NTN1: variants seen among roughly 807,000 people sequenced by gnomAD.
NTN1 encodes the protein netrin-1.
In NTN1, 11 loss-of-function variants were observed where a neutral mutation model predicts 54.2. That is an observed-to-expected ratio of 0.20 (90% confidence interval 0.13 to 0.34). NTN1 has a LOEUF of 0.34. NTN1 is among the 10% of genes least tolerant of loss of function. The probability of loss-of-function intolerance (pLI) is 1.00; values close to 1 mark genes in which losing one functional copy is unlikely to be tolerated. For missense variants in NTN1, 740 were observed against 893.1 expected (o/e 0.83, Z 2.18); for synonymous variants, 371 against 382.0 (o/e 0.97, Z 0.33).
intron 2 of NTN1, among the ~76,000 whole-genome samples, chr17:9,080,931 A>G (rs969952756): frequency 2.8e-4 from 43 of 152,136 alleles, no homozygotes; most frequent in African/African-American, 9.4e-4. Flanking sequence ...CTTCACCTGT[A>G]TTCTCTGTAA....
chr17:9,080,889 C>T (rs1464952116), intron 2 of NTN1, among the ~76,000 whole-genome samples: 1 of 152,216 alleles, frequency 6.6e-6, no homozygotes, highest in Admixed American at 6.5e-5. Context: ...GGAAGCTCCT[C>T]GCCCTTCCCA....
chr17:9,005,636 G>A, the NTN1 span, among the ~76,000 whole-genome samples: 1 of 152,160 alleles, frequency 6.6e-6, no homozygotes, highest in Non-Finnish European at 1.5e-5. Flanking sequence ...CAGGACCATG[G>A]GCTTTGCTTG....
intron 2 of NTN1, among the ~76,000 whole-genome samples, chr17:9,099,315 G>C (rs1039778323): frequency 7.2e-5 from 11 of 152,212 alleles, no homozygotes; most frequent in African/African-American, 2.4e-4. Flanking sequence ...TGAGGCAGGA[G>C]AATCACTTGA....
chr17:9,174,081 G>A (rs1284318401), intron 3 of NTN1: 1 of 152,366 alleles, frequency 6.6e-6, no homozygotes, highest in Non-Finnish European at 1.5e-5. Context: ...TCCTGCTCAA[G>A]GCCTCTGCCA....
At chr17:9,152,342 A>G (rs1478272719) in intron 2 of NTN1, among the ~76,000 whole-genome samples, 1 of 152,066 alleles carries the variant, frequency 6.6e-6, no homozygotes, top group African/African-American at 2.4e-5. Flanking sequence ...CTCCCCCAAA[A>G]TAGTTTCCTC....
At position 9,202,590 on chromosome 17, in the gene NTN1, T is replaced by C. The variant is rs187723350; in HGVS notation, c.1412-18578T>C. On this transcript the variant is annotated intron_variant, in intron 5 of 6. Coordinates refer to ENST00000173229, the MANE Select transcript of NTN1 (RefSeq NM_004822.3). ...CTTCAGTATCTACCATGGTGTGACA[T>C]TGTTGTGGGTTGAGTGGTTCCCCAT... Among the ~76,000 whole-genome samples the C allele has an allele frequency of 1.7e-3, 264 of 151,252 alleles. 1 individual carries two copies. The highest frequency in any genetic ancestry group is 6.2e-3 in the African/African-American group (252 of 40,562).
Position 9,233,807 on chromosome 17 carries a change from C to T in NTN1, c.1487-5833C>T, listed in dbSNP as rs192962423. ...GTGCCTTTCACTGCAGCCAGGGACG[C>T]GGGAAGCAGCAGCTGAAAAGACACC... is the stretch of plus-strand genomic sequence containing the variant. On this transcript the variant is annotated intron_variant, in intron 6 of 6. Coordinates refer to ENST00000173229, the MANE Select transcript of NTN1 (RefSeq NM_004822.3). Among the ~76,000 whole-genome samples the T allele has an allele frequency of 9.9e-4, 150 of 151,096 alleles. 3 individuals are homozygous for T. The highest frequency in any genetic ancestry group is 3.4e-3 in the African/African-American group (139 of 40,424).
At chr17:9,091,099 C>T (rs1288921294) in intron 2 of NTN1, among the ~76,000 whole-genome samples, 1 of 152,202 alleles carries the variant, frequency 6.6e-6, no homozygotes, top group East Asian at 1.9e-4. Flanking sequence ...TACAATAACA[C>T]CTCATTTATT....
chr17:9,116,391 A>G (rs1284081327), intron 2 of NTN1, among the ~76,000 whole-genome samples: 1 of 149,494 alleles, frequency 6.7e-6, no homozygotes, highest in Non-Finnish European at 1.5e-5. Flanking sequence ...TTGCTCCAGA[A>G]GTCGAGCTGG....
intron 2 of NTN1, among the ~76,000 whole-genome samples, chr17:9,081,728 G>T (rs2092071945): frequency 6.6e-6 from 1 of 152,226 alleles, no homozygotes; most frequent in African/African-American, 2.4e-5. Context: ...GATATGAATG[G>T]CAGGAGGCTG....
At chr17:9,063,767 C>G (rs1198028080) in intron 2 of NTN1, among the ~76,000 whole-genome samples, 1 of 151,964 alleles carries the variant, frequency 6.6e-6, no homozygotes, top group Non-Finnish European at 1.5e-5. Context: ...CCAGGATGGT[C>G]TCGATCTCCT....
chr17:9,035,084 C>A (rs1008295508), intron 2 of NTN1, among the ~76,000 whole-genome samples: 2 of 152,048 alleles, frequency 1.3e-5, no homozygotes, highest in Non-Finnish European at 2.9e-5. Context: ...GTAGCTGGGA[C>A]TACAGGCGCC....
chr17:9,062,946 ATCTGAAAG>A (rs1206263072), intron 2 of NTN1, among the ~76,000 whole-genome samples: 1 of 152,204 alleles, frequency 6.6e-6, no homozygotes, highest in Non-Finnish European at 1.5e-5. Flanking sequence ...CCTATCTAAA[ATCTGAAAG>A]TACATCTTTT....
chr17:9,193,090 AAAAAAG>A (rs1203207673), intron 5 of NTN1, among the ~76,000 whole-genome samples: 2 of 143,422 alleles, frequency 1.4e-5, no homozygotes, highest in African/African-American at 2.6e-5. Flanking sequence ...AAAAAAAAAA[AAAAAAG>A]AAAAAGAAAA....
intron 2 of NTN1, among the ~76,000 whole-genome samples, chr17:9,092,791 C>T (rs909087437): frequency 6.6e-6 from 1 of 151,830 alleles, no homozygotes; most frequent in African/African-American, 2.4e-5. Context: ...CAGAGTCTCG[C>T]TCTGTCGCCC....
At chr17:9,012,274 G>A in the NTN1 span, among the ~76,000 whole-genome samples, 1 of 152,210 alleles carries the variant, frequency 6.6e-6, no homozygotes, top group Non-Finnish European at 1.5e-5. Flanking sequence ...CACTTTGGGA[G>A]GCCGAGGTGG....
intron 2 of NTN1, among the ~76,000 whole-genome samples, chr17:9,074,417 G>A (rs1487553621): frequency 6.6e-6 from 1 of 152,228 alleles, no homozygotes; most frequent in Non-Finnish European, 1.5e-5. Context: ...GTGAGGCAGA[G>A]CCATGGAGCG....
Position 9,212,433 on chromosome 17 carries a change from G to A in NTN1, c.1412-8735G>A, listed in dbSNP as rs1362351943. ...ATGGAAATCTGGACTCTCTGGCCGC[G>A]GAGATTCCATGCAGCTTTCTGGTTC... On this transcript the variant is annotated intron_variant, in intron 5 of 6. Transcript: ENST00000173229. The surrounding 1 kb of genome is among the most constrained non-coding windows in gnomAD (Gnocchi z 5.5). Among the ~76,000 whole-genome samples, 4 of 152,276 alleles carry A rather than the reference G, an allele frequency of 2.6e-5. No homozygotes were observed. The highest frequency in any genetic ancestry group is 3.9e-4 in the East Asian group (2 of 5,176).
At chr17:9,064,717 T>G (rs2092009433) in intron 2 of NTN1, among the ~76,000 whole-genome samples, 1 of 152,218 alleles carries the variant, frequency 6.6e-6, no homozygotes, top group Non-Finnish European at 1.5e-5. Flanking sequence ...TTCCTTGGTT[T>G]CCTGCTTCCA....
Sources: allele counts gnomAD v4.1 joint callset (sites outside exome capture counted in the v4.1 genomes callset), GRCh38; gene constraint gnomAD v4.1.1; non-coding constraint Gnocchi (gnomAD v3.1); transcripts MANE v1.5; gene names NCBI Gene and HGNC (gene_info 2026-07-23, HGNC 2026-07-21).